TMPRSS11F: variants seen among roughly 807,000 people sequenced by gnomAD.
The protein encoded by TMPRSS11F is transmembrane protease serine 11F.
A neutral mutation model predicts 60.2 loss-of-function variants in TMPRSS11F; 47 were observed. The observed-to-expected ratio is 0.78, with a 90% CI of 0.62 to 1.00. The LOEUF is 1.00. Ranked by LOEUF, TMPRSS11F falls within the 50% of genes least tolerant of loss-of-function variation. TMPRSS11F has a pLI of 0.00. For synonymous variants in TMPRSS11F, 166 were observed against 167.3 expected (o/e 0.99, Z 0.06); for missense variants, 519 against 522.9 (o/e 0.99, Z 0.07).
Position 68,123,828 on chromosome 4 carries a change from C to T in TMPRSS11F, c.11+5982G>A, listed in dbSNP as rs576044724. 1.2e-4 allele frequency among the ~76,000 whole-genome samples: 18 copies of T among 152,178 alleles called. No individual in the cohort carries two copies. The South Asian group carries it at 3.3e-3, about 28-fold the overall frequency. Reference sequence around the variant, plus strand: ...AAACCCAATCCTTAACAAGACAAGCCTCTACAATCTATTCAAGTCTATACA... The same window carrying T: ...AAACCCAATCCTTAACAAGACAAGCTTCTACAATCTATTCAAGTCTATACA... On this transcript the variant is annotated intron_variant, in intron 1 of 9. Coordinates refer to ENST00000356291, the MANE Select transcript of TMPRSS11F (RefSeq NM_207407.2).
chr4:68,068,089 G>T (rs541685974), intron 7 of TMPRSS11F, among the ~76,000 whole-genome samples: 7 of 152,124 alleles, frequency 4.6e-5, no homozygotes, highest in Non-Finnish European at 1.0e-4. Flanking sequence ...TGTGAGGGGA[G>T]TAAGACAAGG....
intron 3 of TMPRSS11F, among the ~76,000 whole-genome samples, chr4:68,088,731 T>C (rs1168837970): frequency 6.6e-6 from 1 of 152,156 alleles, no homozygotes; most frequent in African/African-American, 2.4e-5. Flanking sequence ...AACTCGGGAT[T>C]AAAATTAGTA....
chr4:68,095,694 G>A (rs1724059219), intron 2 of TMPRSS11F, among the ~76,000 whole-genome samples: 2 of 151,988 alleles, frequency 1.3e-5, no homozygotes, highest in Non-Finnish European at 2.9e-5. Flanking sequence ...TCAGGAGTTA[G>A]AGATCAGCCT....
chr4:68,129,303 TATTTTA>T (rs1281535669), intron 1 of TMPRSS11F, among the ~76,000 whole-genome samples: 1 of 152,114 alleles, frequency 6.6e-6, no homozygotes, highest in Admixed American at 6.6e-5. Flanking sequence ...TACATATGAG[TATTTTA>T]ATTTTAATCA....
chr4:68,081,044 C>A (rs73825370), intron 3 of TMPRSS11F: 1 of 151,928 alleles, frequency 6.6e-6, no homozygotes, highest in African/African-American at 2.4e-5. Flanking sequence ...TAGAGGGGAA[C>A]GAAGAATGAA....
At chr4:68,062,039 A>G (rs1723190254) in intron 8 of TMPRSS11F, 6 of 452,958 alleles carry the variant, frequency 1.3e-5, no homozygotes, top group South Asian at 7.8e-5. Context: ...ACAATTTTCA[A>G]TGTGACTGAA....
intron 8 of TMPRSS11F, chr4:68,062,582 C>A: frequency 1.2e-6 from 1 of 858,074 alleles, no homozygotes; most frequent in Admixed American, 1.7e-5. Flanking sequence ...ACGTACTTGC[C>A]GTCCTTTTGA....
At chr4:68,099,883 G>C (rs1416214953) in intron 1 of TMPRSS11F, among the ~76,000 whole-genome samples, 1 of 152,108 alleles carries the variant, frequency 6.6e-6, no homozygotes, top group Non-Finnish European at 1.5e-5. Flanking sequence ...TTTAAAAGGG[G>C]AAACAGACAT....
intron 7 of TMPRSS11F, among the ~76,000 whole-genome samples, chr4:68,066,404 A>G (rs1723328905): frequency 6.6e-6 from 1 of 152,172 alleles, no homozygotes; most frequent in South Asian, 2.1e-4. Context: ...CCAATTTAAC[A>G]TGTTTTATGA....
intron 2 of TMPRSS11F, among the ~76,000 whole-genome samples, chr4:68,093,570 C>T (rs1285616483): frequency 2.0e-5 from 3 of 151,896 alleles, no homozygotes; most frequent in African/African-American, 7.2e-5. Flanking sequence ...AACTAAAGAG[C>T]TTCTGCACAG....
At chr4:68,075,340 T>C (rs566154043) in intron 3 of TMPRSS11F, among the ~76,000 whole-genome samples, 9 of 152,196 alleles carry the variant, frequency 5.9e-5, no homozygotes, top group Non-Finnish European at 1.0e-4. Context: ...TCCCCTCAGT[T>C]GTTCCCTCCG....
intron 1 of TMPRSS11F, among the ~76,000 whole-genome samples, chr4:68,117,565 T>C (rs1024059236): frequency 6.7e-6 from 1 of 149,090 alleles, no homozygotes; most frequent in Non-Finnish European, 1.5e-5. Flanking sequence ...TATGAGACGG[T>C]GAACAACATT....
At position 68,053,242 on chromosome 4, in the gene TMPRSS11F, C is replaced by T. The variant is rs1315250554; in HGVS notation, c.*667G>A. 6.6e-6 allele frequency: 1 copy of T among 152,326 alleles called. No individual in the cohort carries two copies. Among genetic ancestry groups the T allele is most frequent in the Non-Finnish European group, 1.5e-5 (1 of 67,984 alleles). The allele number at this position is 152,326 out of a possible 1,614,324, so 9.4% of individuals were successfully genotyped here. A position where few individuals can be genotyped will look rare whatever the true frequency, so the allele number is the denominator to read the frequency against. On this transcript the variant is annotated 3_prime_UTR_variant, in exon 10 of 10. Transcript: ENST00000356291. Reference sequence around the variant, plus strand: ...CTACTAACATATAGATGGCAAGATGCTGTTAAAGAATAAATCAGAAAAGCT... The same window carrying T: ...CTACTAACATATAGATGGCAAGATGTTGTTAAAGAATAAATCAGAAAAGCT...
At chr4:68,097,779 C>G (rs576037708) in intron 2 of TMPRSS11F, among the ~76,000 whole-genome samples, 1 of 151,668 alleles carries the variant, frequency 6.6e-6, no homozygotes, top group African/African-American at 2.4e-5. Flanking sequence ...TACCTTCTAA[C>G]CCAAAGAAAA....
At chr4:68,085,040 C>A (rs1723784928) in intron 3 of TMPRSS11F, among the ~76,000 whole-genome samples, 1 of 128,256 alleles carries the variant, frequency 7.8e-6, no homozygotes, top group Non-Finnish European at 1.6e-5. Context: ...CAATTTCATC[C>A]ATGTCCCTAC....
chr4:68,086,912 G>T (rs1723826882), intron 3 of TMPRSS11F, among the ~76,000 whole-genome samples: 1 of 152,080 alleles, frequency 6.6e-6, no homozygotes, highest in African/African-American at 2.4e-5. Flanking sequence ...CCCTGGACCA[G>T]ATGAATTCAC....
chr4:68,127,394 T>C (rs2109894003), intron 1 of TMPRSS11F, among the ~76,000 whole-genome samples: 1 of 152,272 alleles, frequency 6.6e-6, no homozygotes, highest in Middle Eastern at 3.4e-3. Context: ...ATGTGGCTTA[T>C]TGATTTGCCT....
At chr4:68,092,915 T>C (rs1384239288) in intron 2 of TMPRSS11F, among the ~76,000 whole-genome samples, 1 of 152,118 alleles carries the variant, frequency 6.6e-6, no homozygotes, top group Non-Finnish European at 1.5e-5. Context: ...AAGTTATATA[T>C]GAAGCATAAC....
intron 1 of TMPRSS11F, among the ~76,000 whole-genome samples, chr4:68,100,582 A>G (rs1006214704): frequency 1.4e-4 from 21 of 152,120 alleles, no homozygotes; most frequent in African/African-American, 4.8e-4. Flanking sequence ...ACTTGTTTGG[A>G]CGTCCAGGTA....
Sources: gnomAD v4.1 joint callset for allele counts (sites outside exome capture counted in the v4.1 genomes callset) on GRCh38, gnomAD v4.1.1 for gene constraint, MANE v1.5 for transcripts, NCBI Gene and HGNC (gene_info 2026-07-23, HGNC 2026-07-21) for gene names.